Variants in SPATA6 observed in about 807,000 individuals in gnomAD.
SPATA6 encodes spermatogenesis associated 6, also known as spermatogenesis-associated protein 6.
SPATA6 carries 56 observed loss-of-function variants against 65.3 expected under a neutral mutation model. The ratio of observed to expected loss-of-function variants is 0.86; its 90% CI spans 0.69 to 1.07. The LOEUF is 1.07. Ranked by LOEUF, SPATA6 falls within the 50% of genes least tolerant of loss-of-function variation. The pLI is 0.00. For synonymous variants in SPATA6, 199 were observed against 213.2 expected (o/e 0.93, Z 0.58); for missense variants, 590 against 594.8 (o/e 0.99, Z 0.08).
intron 1 of SPATA6, among the ~76,000 whole-genome samples, chr1:48,454,773 G>C (rs758605581): frequency 3.3e-5 from 5 of 152,114 alleles, no homozygotes; most frequent in Non-Finnish European, 7.4e-5. Flanking sequence ...GAAAGTTAAA[G>C]TGATCTACTA....
chr1:48,377,651 G>A (rs1165516286), intron 9 of SPATA6, among the ~76,000 whole-genome samples: 1 of 152,130 alleles, frequency 6.6e-6, no homozygotes, highest in African/African-American at 2.4e-5. Context: ...TCACTACCAT[G>A]AAATACCCAT....
chr1:48,459,204 C>CAAAAAAAAAAAAAA (rs35079974), intron 1 of SPATA6, among the ~76,000 whole-genome samples: 1 of 66,392 alleles, frequency 1.5e-5, no homozygotes, highest in Non-Finnish European at 2.9e-5. Flanking sequence ...GACTCCATAT[C>CAAAAAAAAAAAAAA]AAAAAAAAAA....
At chr1:48,447,572 CT>C (rs1356885261) in intron 3 of SPATA6, among the ~76,000 whole-genome samples, 1 of 152,134 alleles carries the variant, frequency 6.6e-6, no homozygotes, top group East Asian at 1.9e-4. Flanking sequence ...GACGGCACCC[CT>C]AACTCCCATC....
At chr1:48,333,493 C>G (rs1307104231) in intron 11 of SPATA6, among the ~76,000 whole-genome samples, 1 of 152,178 alleles carries the variant, frequency 6.6e-6, no homozygotes, top group Non-Finnish European at 1.5e-5. Flanking sequence ...TGAGTCAACT[C>G]TCCTTCATAA....
chr1:48,262,477 T>G, the SPATA6 span: 2 of 152,130 alleles, frequency 1.3e-5, no homozygotes, highest in South Asian at 4.1e-4. Flanking sequence ...TAACCTACCT[T>G]TGGTGCAAAT....
rs377144306 is a variant in SPATA6 at position 48,310,226 on chromosome 1, C to T, written c.1195-4348G>A. ...TGCCCTCCAGGGCAAAGATTTTGCA[C>T]TGGGAAAGCTCTCACTCAAAGTGGG... On this transcript the variant is annotated intron_variant, in intron 11 of 12. Transcript: ENST00000371847. Among the ~76,000 whole-genome samples, 21 of 152,202 alleles carry T rather than the reference C, an allele frequency of 1.4e-4. 1 individual carries two copies. Among genetic ancestry groups the T allele is most frequent in the African/African-American group, 5.1e-4 (21 of 41,454 alleles).
At chr1:48,444,482 AC>A (rs1655823121) in intron 3 of SPATA6, among the ~76,000 whole-genome samples, 1 of 152,136 alleles carries the variant, frequency 6.6e-6, no homozygotes, top group African/African-American at 2.4e-5. Context: ...CTCTGTAAAA[AC>A]ATACCAATCA....
chr1:48,403,327 C>T (rs943718977), intron 6 of SPATA6, among the ~76,000 whole-genome samples: 1 of 152,114 alleles, frequency 6.6e-6, no homozygotes, highest in Non-Finnish European at 1.5e-5. Context: ...CCAAACTGAG[C>T]AACAGTCCCT....
intron 11 of SPATA6, among the ~76,000 whole-genome samples, chr1:48,311,791 C>G (rs894953288): frequency 6.6e-6 from 1 of 152,194 alleles, no homozygotes; most frequent in Non-Finnish European, 1.5e-5. Context: ...CCGGGAAGTA[C>G]AAGGGGTGAG....
chr1:48,301,959 T>C (rs1266443377), intron 12 of SPATA6, among the ~76,000 whole-genome samples: 1 of 152,202 alleles, frequency 6.6e-6, no homozygotes, highest in Non-Finnish European at 1.5e-5. Flanking sequence ...TTTAGGATAT[T>C]GATCTAGGCA....
chr1:48,466,825 G>A (rs1421738361), intron 1 of SPATA6, among the ~76,000 whole-genome samples: 4 of 152,056 alleles, frequency 2.6e-5, no homozygotes, highest in African/African-American at 9.7e-5. Flanking sequence ...ACTGAAAGAA[G>A]CCAGATCTGT....
chr1:48,354,369 T>G (rs537274441), intron 11 of SPATA6, among the ~76,000 whole-genome samples: 1 of 152,230 alleles, frequency 6.6e-6, no homozygotes, highest in African/African-American at 2.4e-5. Context: ...TCCCTCTGAT[T>G]AATTCCACTG....
rs1384420919 is a variant in SPATA6, at chr1:48,370,337, G to A, written c.910-10567C>T. ...ACCATAGGACAGAAGCACAGTGCAG[G>A]TACAACTTGCAGGATGGCCAGAGGA... On this transcript the variant is annotated intron_variant, in intron 9 of 12. Coordinates refer to ENST00000371847, the MANE Select transcript of SPATA6 (RefSeq NM_019073.4). Among the ~76,000 whole-genome samples, 3 of 152,184 alleles carry A rather than the reference G, an allele frequency of 2.0e-5. No individual in the cohort carries two copies. The East Asian group carries it at 5.8e-4, about 29-fold the overall frequency.
chr1:48,325,697 G>A (rs79889195), intron 11 of SPATA6: 336 of 568,648 alleles, frequency 5.9e-4, no homozygotes, highest in African/African-American at 5.5e-3. Flanking sequence ...CTCTTCACCC[G>A]TCTTCTCAAT....
At chr1:48,266,510 T>C in the SPATA6 span, among the ~76,000 whole-genome samples, 1 of 152,220 alleles carries the variant, frequency 6.6e-6, no homozygotes, top group Non-Finnish European at 1.5e-5. Context: ...ATAAGTTAAA[T>C]GCTTGAAAAG....
At chr1:48,470,686 C>T (rs1658172030) in intron 1 of SPATA6, among the ~76,000 whole-genome samples, 1 of 152,024 alleles carries the variant, frequency 6.6e-6, no homozygotes. Context: ...GCTGCAGCAA[C>T]CTCATTCTAA....
rs182229761 is a variant in SPATA6, at chr1:48,315,937, C to T, written c.1195-10059G>A. On this transcript the variant is annotated intron_variant, in intron 11 of 12. Coordinates refer to ENST00000371847, the MANE Select transcript of SPATA6 (RefSeq NM_019073.4). ...ATCATGAGTGAACTCCCATTCACAA[C>T]TGCTTCAAAGAGAATAAAATACTTC... Among the ~76,000 whole-genome samples, 907 of 152,252 alleles carry T rather than the reference C, an allele frequency of 6.0e-3. 5 individuals carry two copies. Among genetic ancestry groups the T allele is most frequent in the Non-Finnish European group, 9.3e-3 (632 of 68,018 alleles).
intron 5 of SPATA6, among the ~76,000 whole-genome samples, chr1:48,409,983 C>T (rs1652063181): frequency 6.6e-6 from 1 of 152,252 alleles, no homozygotes; most frequent in African/African-American, 2.4e-5. Flanking sequence ...TAACATTCAG[C>T]TCCTTGTTAC....
At chr1:48,281,597 G>C in the SPATA6 span, among the ~76,000 whole-genome samples, 1 of 151,492 alleles carries the variant, frequency 6.6e-6, no homozygotes, top group Non-Finnish European at 1.5e-5. Flanking sequence ...GCTTCAAAGA[G>C]AATAAAATAC....
Sources: gnomAD v4.1 joint callset for allele counts (sites outside exome capture counted in the v4.1 genomes callset) on GRCh38, gnomAD v4.1.1 for gene constraint, MANE v1.5 for transcripts, NCBI Gene and HGNC (gene_info 2026-07-23, HGNC 2026-07-21) for gene names.